PPP1CC: variants seen among roughly 807,000 people sequenced by gnomAD.
The protein encoded by PPP1CC is protein phosphatase 1 catalytic subunit gamma.
PPP1CC carries 16 observed loss-of-function variants against 38.4 expected under a neutral mutation model. That is an observed-to-expected ratio of 0.42 (90% confidence interval 0.28 to 0.63). The LOEUF is 0.63. Ranked by LOEUF, PPP1CC falls within the 30% of genes least tolerant of loss-of-function variation. The pLI is 0.25. For missense variants in PPP1CC, 170 were observed against 391.3 expected (o/e 0.43, Z 4.77); for synonymous variants, 158 against 136.0 (o/e 1.16, Z -1.13).
At chr12:110,723,622 G>C (rs899200534) in intron 4 of PPP1CC, among the ~76,000 whole-genome samples, 1 of 152,090 alleles carries the variant, frequency 6.6e-6, no homozygotes, top group Non-Finnish European at 1.5e-5. Context: ...CGATCCTCCC[G>C]CCTCAGCCTC....
chr12:110,728,379 CAG>C (rs1452142656), intron 3 of PPP1CC, among the ~76,000 whole-genome samples: 1 of 135,074 alleles, frequency 7.4e-6, no homozygotes, highest in African/African-American at 2.7e-5. Context: ...GCCTGGGCGA[CAG>C]AGCGAGACTC....
chr12:110,709,973 A>ATAC, the PPP1CC span, among the ~76,000 whole-genome samples: 2 of 146,774 alleles, frequency 1.4e-5, no homozygotes, highest in African/African-American at 2.5e-5. Context: ...AATAATAATA[A>ATAC]TAAAGGAAAA....
the PPP1CC span, among the ~76,000 whole-genome samples, chr12:110,711,194 TAAAA>T: frequency 5.0e-4 from 76 of 151,814 alleles, no homozygotes; most frequent in Middle Eastern, 3.4e-3. Flanking sequence ...AATAAATAAA[TAAAA>T]ATTTTTAAAT....
intron 3 of PPP1CC, among the ~76,000 whole-genome samples, chr12:110,729,680 TATA>T (rs1296645808): frequency 1.3e-5 from 2 of 152,200 alleles, no homozygotes; most frequent in Non-Finnish European, 2.9e-5. Context: ...GGAGAAAAAC[TATA>T]ATAATTTCAA....
Position 110,720,309 on chromosome 12 carries a change from C to A in PPP1CC, c.*767G>T. The A allele has an allele frequency of 3.0e-6, 3 of 1,007,486 alleles. No individual in the cohort carries two copies. The highest frequency in any genetic ancestry group is 3.0e-5 in the South Asian group (2 of 66,782). The allele number at this position is 1,007,486 out of a possible 1,614,324, so 62.4% of individuals were successfully genotyped here. A position where few individuals can be genotyped will look rare whatever the true frequency, so the allele number is the denominator to read the frequency against. On this transcript the variant is annotated 3_prime_UTR_variant, in exon 7 of 7. Coordinates refer to ENST00000335007, the MANE Select transcript of PPP1CC (RefSeq NM_002710.4). ...CAGCACTATATCACTAATTGCTATT[C>A]AAAATCAAAAACCTGTTTTTGAATC... is the stretch of plus-strand genomic sequence containing the variant.
At chr12:110,708,691 G>A in the PPP1CC span, among the ~76,000 whole-genome samples, 1 of 151,662 alleles carries the variant, frequency 6.6e-6, no homozygotes, top group Non-Finnish European at 1.5e-5. Flanking sequence ...TTTACTAAAA[G>A]TACAAAAATT....
rs1364047680 is a variant in PPP1CC, at chr12:110,731,969, A to C, written c.56-68T>G. On this transcript the variant is annotated intron_variant, in intron 1 of 6. Transcript: ENST00000335007. ...CAAAATACAATACGAGATTTAGATA[A>C]AGGGGCAAAAACATGGTTTAACTAG... 1.9e-6 allele frequency: 3 copies of C among 1,555,888 alleles called. No individual in the cohort carries two copies. In the African/African-American group the frequency reaches 4.1e-5, roughly 21 times the overall value.
the PPP1CC span, among the ~76,000 whole-genome samples, chr12:110,714,577 C>T: frequency 6.6e-6 from 1 of 151,828 alleles, no homozygotes; most frequent in Non-Finnish European, 1.5e-5. Flanking sequence ...GAGGCTGAGG[C>T]AGGCGAATCA....
intron 1 of PPP1CC, among the ~76,000 whole-genome samples, chr12:110,739,221 T>C (rs2069983375): frequency 6.6e-6 from 1 of 151,932 alleles, no homozygotes; most frequent in South Asian, 2.1e-4. Flanking sequence ...GACACCAAAA[T>C]CGCTTGAACC....
intron 3 of PPP1CC, chr12:110,725,326 T>A (rs1303030026): frequency 3.3e-5 from 5 of 152,470 alleles, no homozygotes; most frequent in African/African-American, 9.6e-5. Context: ...ACATGTGGCG[T>A]TATGACCTTC....
rs1221510796 is a variant in PPP1CC, at chr12:110,720,270, G to A, written c.*806C>T. The A allele has an allele frequency of 8.1e-6, 11 of 1,362,746 alleles. No individual in the cohort carries two copies. Among genetic ancestry groups the A allele is most frequent in the East Asian group, 2.5e-5 (1 of 40,118 alleles). The allele number at this position is 1,362,746 out of a possible 1,614,324, so 84.4% of individuals were successfully genotyped here. On this transcript the variant is annotated 3_prime_UTR_variant, in exon 7 of 7. Coordinates refer to ENST00000335007, the MANE Select transcript of PPP1CC (RefSeq NM_002710.4). Reference sequence around the variant, plus strand: ...GTATAAAATGTTATTACCTTTTATCGTTAGTAGCTTAAACAGCACTATATC... The same window carrying A: ...GTATAAAATGTTATTACCTTTTATCATTAGTAGCTTAAACAGCACTATATC...
intron 1 of PPP1CC, 192 bp from the exon 2 acceptor site, chr12:110,732,093 G>A (rs1566086304): frequency 6.5e-6 from 4 of 616,228 alleles, no homozygotes; most frequent in Non-Finnish European, 1.1e-5. Context: ...TTGCATCTTC[G>A]ATACCAAGTA....
chr12:110,724,202 C>T (rs920400040), intron 4 of PPP1CC, among the ~76,000 whole-genome samples: 6 of 152,142 alleles, frequency 3.9e-5, no homozygotes, highest in Non-Finnish European at 7.4e-5. Context: ...GGTGCCACTG[C>T]GCTCCAGCCT....
downstream of PPP1CC, among the ~76,000 whole-genome samples, chr12:110,716,350 TTTTAAC>T (rs1347876749): frequency 6.6e-6 from 1 of 151,226 alleles, no homozygotes; most frequent in Non-Finnish European, 1.5e-5. Flanking sequence ...ACTTTCTTAG[TTTTAAC>T]TTTTTTTTTT....
At position 110,720,308 on chromosome 12, in the gene PPP1CC, T is replaced by G. The variant is rs752044924; in HGVS notation, c.*768A>C. The stretch of plus-strand genomic sequence containing the variant: ...ACAGCACTATATCACTAATTGCTAT[T>G]CAAAATCAAAAACCTGTTTTTGAAT... On this transcript the variant is annotated 3_prime_UTR_variant, in exon 7 of 7. Coordinates refer to ENST00000335007, the MANE Select transcript of PPP1CC (RefSeq NM_002710.4). 23 of 1,010,864 alleles carry G rather than the reference T, an allele frequency of 2.3e-5. No homozygotes were observed. Among genetic ancestry groups the G allele is most frequent in the Non-Finnish European group, 3.2e-5 (22 of 689,366 alleles). 62.6% of individuals were successfully genotyped at this position (1,010,864 alleles called of 1,614,324 possible).
intron 1 of PPP1CC, among the ~76,000 whole-genome samples, chr12:110,740,668 C>G (rs2070007782): frequency 6.6e-6 from 1 of 152,124 alleles, no homozygotes; most frequent in Non-Finnish European, 1.5e-5. Context: ...ACCTGGTTTT[C>G]AAGTGCCACA....
At chr12:110,734,187 T>A (rs2069914480) in intron 1 of PPP1CC, among the ~76,000 whole-genome samples, 1 of 152,164 alleles carries the variant, frequency 6.6e-6, no homozygotes, top group African/African-American at 2.4e-5. Context: ...GACCCACTGG[T>A]AGAATGTAAA....
intron 3 of PPP1CC, among the ~76,000 whole-genome samples, chr12:110,728,397 C>CA (rs1234259790): frequency 0.086 from 6,740 of 78,184 alleles, 291 homozygotes; most frequent in Non-Finnish European, 0.13. Context: ...GACTCCGTCT[C>CA]AAAAAAAAAA....
chr12:110,710,235 C>A, the PPP1CC span, among the ~76,000 whole-genome samples: 1 of 151,954 alleles, frequency 6.6e-6, no homozygotes, highest in South Asian at 2.1e-4. Context: ...GCAAAGATAA[C>A]CTCTAATATT....
Sources: allele counts gnomAD v4.1 joint callset (sites outside exome capture counted in the v4.1 genomes callset), GRCh38; gene constraint gnomAD v4.1.1; transcripts MANE v1.5; gene names NCBI Gene and HGNC (gene_info 2026-07-23, HGNC 2026-07-21).